BCKDHB: variants seen among roughly 807,000 people sequenced by gnomAD.
The protein encoded by BCKDHB is 2-oxoisovalerate dehydrogenase subunit beta, mitochondrial.
In BCKDHB, 41 loss-of-function variants were observed where a neutral mutation model predicts 48.5. The observed-to-expected ratio is 0.85, with a 90% CI of 0.66 to 1.10. The LOEUF (loss-of-function observed/expected upper bound fraction) is 1.10. Ranked by LOEUF, BCKDHB falls within the 50% of genes least tolerant of loss-of-function variation. The probability of loss-of-function intolerance (pLI) is 0.00; values close to 1 mark genes in which losing one functional copy is unlikely to be tolerated. For synonymous variants in BCKDHB, 201 were observed against 174.8 expected, an observed-to-expected ratio of 1.15 and a Z score of -1.18; for missense variants, 496 against 494.2, an observed-to-expected ratio of 1.00 and a Z score of -0.03.
intron 3 of BCKDHB, among the ~76,000 whole-genome samples, chr6:80,131,248 T>G (rs1420619553): frequency 2.0e-5 from 3 of 152,220 alleles, no homozygotes; most frequent in Non-Finnish European, 4.4e-5. Flanking sequence ...CATCTTCACC[T>G]CAGTGTTCCA....
chr6:80,234,043 C>T (rs1030038337), intron 8 of BCKDHB, among the ~76,000 whole-genome samples: 6 of 152,094 alleles, frequency 3.9e-5, no homozygotes, highest in African/African-American at 7.2e-5. Context: ...CTAGATCCCT[C>T]GCATGCACAG....
At chr6:80,242,188 A>G (rs1348534285) in intron 8 of BCKDHB, among the ~76,000 whole-genome samples, 3 of 152,180 alleles carry the variant, frequency 2.0e-5, no homozygotes, top group Admixed American at 6.5e-5. Flanking sequence ...TTACCTTTCA[A>G]ACTTAGGTCT....
At position 80,299,482 on chromosome 6, in the gene BCKDHB, A is replaced by G. The variant is rs1767437350; in HGVS notation, c.1038+26261A>G. On this transcript the variant is annotated intron_variant, in intron 9 of 9. Transcript: ENST00000320393. ...GGAAGGGGGTCCCAATCCAGACCCCAAGAGAGGGGTTCTTGGATCTCGTGC... is the reference window on the plus strand; with the variant it reads ...GGAAGGGGGTCCCAATCCAGACCCCGAGAGAGGGGTTCTTGGATCTCGTGC... Among the ~76,000 whole-genome samples the G allele has an allele frequency of 1.3e-5, 2 of 152,204 alleles. 1 individual carries two copies. Among genetic ancestry groups the G allele is most frequent in the Non-Finnish European group, 2.9e-5 (2 of 68,036 alleles).
Position 80,132,591 on chromosome 6 carries a change from T to C in BCKDHB, c.343+3362T>C, listed in dbSNP as rs145989936. 1.7e-3 allele frequency among the ~76,000 whole-genome samples: 265 copies of C among 152,310 alleles called. 1 individual carries two copies. The highest frequency in any genetic ancestry group is 6.0e-3 in the African/African-American group (251 of 41,592). On this transcript the variant is annotated intron_variant, in intron 3 of 9. Transcript: ENST00000320393. ...GAAAAAGTCCAGTGCTCTTAGAGGG[T>C]ACCTGCAAATTTATGTTTCCTGTCA... is the stretch of plus-strand genomic sequence containing the variant.
chr6:80,178,361 T>A lies in BCKDHB; in HGVS notation c.742+6971T>A, dbSNP rs191364683. Among the ~76,000 whole-genome samples the A allele has an allele frequency of 3.9e-5, 6 of 152,352 alleles. No homozygotes were observed. The East Asian group carries it at 1.2e-3, about 29-fold the overall frequency. ...CTGTAGATGTTACTAATAGGTAATT[T>A]TGACGAATACATAATCTTGGCTAGA... On this transcript the variant is annotated intron_variant, in intron 6 of 9. Coordinates refer to ENST00000320393, the MANE Select transcript of BCKDHB (RefSeq NM_183050.4).
At chr6:80,188,059 A>G (rs774720289) in intron 6 of BCKDHB, among the ~76,000 whole-genome samples, 3 of 152,188 alleles carry the variant, frequency 2.0e-5, no homozygotes, top group Non-Finnish European at 4.4e-5. Context: ...TCACAATAGC[A>G]AAGACGTAAA....
chr6:80,122,648 G>T (rs1770093086), intron 1 of BCKDHB, among the ~76,000 whole-genome samples: 1 of 152,136 alleles, frequency 6.6e-6, no homozygotes, highest in African/African-American at 2.4e-5. Flanking sequence ...CAGGGAGTAG[G>T]TACAAAGATC....
At chr6:80,274,547 T>C (rs1777890269) in intron 9 of BCKDHB, among the ~76,000 whole-genome samples, 1 of 152,018 alleles carries the variant, frequency 6.6e-6, no homozygotes, top group African/African-American at 2.4e-5. Flanking sequence ...TAATATATAG[T>C]CTACTAAACC....
chr6:80,110,911 C>T (rs1217010420), intron 1 of BCKDHB, among the ~76,000 whole-genome samples: 1 of 152,164 alleles, frequency 6.6e-6, no homozygotes, highest in Non-Finnish European at 1.5e-5. Context: ...TTCCAGTATA[C>T]CATGCCAGTG....
chr6:80,408,904 C>T, the BCKDHB span, among the ~76,000 whole-genome samples: 2 of 150,978 alleles, frequency 1.3e-5, no homozygotes, highest in Admixed American at 6.6e-5. Context: ...TTATTTCTTG[C>T]CTCCTGCTAG....
chr6:80,200,925 T>G lies in BCKDHB; in HGVS notation c.743-9T>G, dbSNP rs917783112. 3.8e-6 allele frequency: 6 copies of G among 1,592,698 alleles called. No homozygotes were observed. In the Admixed American group the frequency reaches 8.3e-5, roughly 22 times the overall value. ...ATGTCCTTTTTTTTTTTTCCTGTTC[T>G]GTATTTAGCGGAAGAAGTCCCTATA... On this transcript the variant is annotated splice_polypyrimidine_tract_variant and intron_variant, in intron 6 of 9. Transcript: ENST00000320393.
At chr6:80,414,772 T>G in the BCKDHB span, among the ~76,000 whole-genome samples, 1 of 152,162 alleles carries the variant, frequency 6.6e-6, no homozygotes, top group East Asian at 1.9e-4. Flanking sequence ...TTAAAATAGC[T>G]TTTTCCTAGT....
the BCKDHB span, among the ~76,000 whole-genome samples, chr6:80,395,450 A>C: frequency 6.6e-6 from 1 of 152,222 alleles, no homozygotes. Context: ...GAGTCTTGCT[A>C]TGCAAAAAGA....
chr6:80,110,682 C>G (rs1220936459), intron 1 of BCKDHB, among the ~76,000 whole-genome samples: 1 of 152,172 alleles, frequency 6.6e-6, no homozygotes, highest in Non-Finnish European at 1.5e-5. Flanking sequence ...ATTTAGCATC[C>G]CTTGGCACCT....
intron 9 of BCKDHB, among the ~76,000 whole-genome samples, chr6:80,283,232 A>G (rs552836218): frequency 6.6e-6 from 1 of 152,258 alleles, no homozygotes; most frequent in African/African-American, 2.4e-5. Flanking sequence ...TGACATTACT[A>G]GCATGTAATT....
At chr6:80,370,116 C>T in the BCKDHB span, among the ~76,000 whole-genome samples, 1 of 152,056 alleles carries the variant, frequency 6.6e-6, no homozygotes, top group Non-Finnish European at 1.5e-5. Context: ...ATGAGTAATT[C>T]CTACCTTCAG....
chr6:80,392,833 TC>T, the BCKDHB span, among the ~76,000 whole-genome samples: 2 of 150,498 alleles, frequency 1.3e-5, no homozygotes, highest in Non-Finnish European at 3.0e-5. Context: ...TCATTCTAAT[TC>T]CCACTCTCCA....
At chr6:80,464,288 G>A in the BCKDHB span, among the ~76,000 whole-genome samples, 6 of 151,908 alleles carry the variant, frequency 3.9e-5, no homozygotes, top group East Asian at 1.9e-4. Context: ...CACCACGCCC[G>A]GCTAATTTTT....
chr6:80,214,161 G>A (rs1775066086), intron 8 of BCKDHB, among the ~76,000 whole-genome samples: 1 of 152,126 alleles, frequency 6.6e-6, no homozygotes. Context: ...AAAGGAAAGG[G>A]AAATTGTAGA....
Sources: allele counts gnomAD v4.1 joint callset (sites outside exome capture counted in the v4.1 genomes callset), GRCh38; gene constraint gnomAD v4.1.1; transcripts MANE v1.5; gene names NCBI Gene and HGNC (gene_info 2026-07-23, HGNC 2026-07-21).